Variants in ANO3 observed in about 807,000 individuals in gnomAD.
The protein encoded by ANO3 is anoctamin 3.
A neutral mutation model predicts 144.8 loss-of-function variants in ANO3; 99 were observed. The observed-to-expected ratio is 0.68, with a 90% CI of 0.58 to 0.81. The LOEUF is 0.81. ANO3 is among the 30% of genes least tolerant of loss of function. The pLI, the probability that ANO3 is intolerant of heterozygous loss-of-function variation, is 0.00. For synonymous variants in ANO3, 414 were observed against 392.6 expected (o/e 1.05, Z -0.64); for missense variants, 905 against 1,202.2 (o/e 0.75, Z 3.66).
At chr11:26,287,725 G>C (rs1853841560) in intron 1 of ANO3, among the ~76,000 whole-genome samples, 1 of 152,162 alleles carries the variant, frequency 6.6e-6, no homozygotes. Context: ...TAAATCCAGA[G>C]CCTTTGTTCT....
At chr11:26,412,365 C>T (rs1220867653) in intron 1 of ANO3, among the ~76,000 whole-genome samples, 1 of 151,710 alleles carries the variant, frequency 6.6e-6, no homozygotes. Flanking sequence ...TAATATTTGA[C>T]TAGACAAAAA....
intron 8 of ANO3, among the ~76,000 whole-genome samples, chr11:26,533,505 C>T (rs547977909): frequency 3.9e-5 from 6 of 152,034 alleles, no homozygotes; most frequent in South Asian, 4.2e-4. Flanking sequence ...GGTTGGAATG[C>T]GAGTACCGAG....
At chr11:26,479,592 G>A (rs920481075) in intron 4 of ANO3, among the ~76,000 whole-genome samples, 1 of 152,138 alleles carries the variant, frequency 6.6e-6, no homozygotes, top group African/African-American at 2.4e-5. Context: ...CACGAGAACA[G>A]CATGGGGGAA....
At chr11:26,253,379 AC>A (rs1263185239) in intron 1 of ANO3, among the ~76,000 whole-genome samples, 2 of 152,222 alleles carry the variant, frequency 1.3e-5, no homozygotes, top group East Asian at 3.9e-4. Flanking sequence ...ATAGAGAAAA[AC>A]AACACACACT....
chr11:26,435,327 C>T (rs188707982), intron 1 of ANO3, among the ~76,000 whole-genome samples: 2 of 152,222 alleles, frequency 1.3e-5, no homozygotes, highest in East Asian at 1.9e-4. Context: ...GGTGACCTGC[C>T]CTTTCTCCCT....
chr11:26,600,118 G>A (rs1253968979), intron 17 of ANO3, among the ~76,000 whole-genome samples: 5 of 152,118 alleles, frequency 3.3e-5, no homozygotes, highest in South Asian at 2.1e-4. Flanking sequence ...TTTTGAAAGC[G>A]AAGTATTGTT....
chr11:26,649,252 C>G (rs1309547652), intron 24 of ANO3, among the ~76,000 whole-genome samples: 1 of 152,112 alleles, frequency 6.6e-6, no homozygotes, highest in Non-Finnish European at 1.5e-5. Flanking sequence ...GTATTCTATT[C>G]ATGTACACAT....
intron 1 of ANO3, among the ~76,000 whole-genome samples, chr11:26,202,887 G>C (rs1321349550): frequency 6.6e-6 from 1 of 151,994 alleles, no homozygotes; most frequent in East Asian, 1.9e-4. Context: ...TTCAAAGCAG[G>C]GATCATTTCT....
intron 3 of ANO3, among the ~76,000 whole-genome samples, chr11:26,444,542 C>A (rs546356790): frequency 2.1e-4 from 32 of 152,328 alleles, no homozygotes; most frequent in Non-Finnish European, 3.5e-4. Flanking sequence ...GAGTTCTCAA[C>A]TCTGGTTACA....
chr11:26,511,006 G>A (rs537878398), intron 5 of ANO3, among the ~76,000 whole-genome samples: 1 of 152,284 alleles, frequency 6.6e-6, no homozygotes, highest in Admixed American at 6.5e-5. Context: ...AACAGAGAGG[G>A]TTCTCATCCA....
chr11:26,220,927 A>AT (rs71447456), intron 1 of ANO3, among the ~76,000 whole-genome samples: 45,813 of 151,868 alleles, frequency 0.3, 7,602 homozygotes, highest in Non-Finnish European at 0.37. Flanking sequence ...CTGCCTACAG[A>AT]TAAAGATGTG....
chr11:26,514,329 G>C (rs1861781485), intron 5 of ANO3, among the ~76,000 whole-genome samples: 1 of 152,062 alleles, frequency 6.6e-6, no homozygotes, highest in South Asian at 2.1e-4. Flanking sequence ...ATTTTGGGTA[G>C]TTTCTGATTT....
At chr11:26,522,515 G>T (rs146923861) in intron 6 of ANO3, among the ~76,000 whole-genome samples, 214 of 152,178 alleles carry the variant, frequency 1.4e-3, no homozygotes, top group African/African-American at 5.0e-3. Context: ...TTGACACAAG[G>T]TATAAAATAG....
intron 17 of ANO3, among the ~76,000 whole-genome samples, chr11:26,602,243 A>T (rs1357056808): frequency 6.6e-6 from 1 of 152,162 alleles, no homozygotes; most frequent in East Asian, 1.9e-4. Flanking sequence ...TATTAGAATA[A>T]AGAAAAATAA....
rs2132930240 is a variant in ANO3, at chr11:26,599,715, G to T, written c.1836+1G>T. ...CATAATCATTATGTTGCTGAATCTT[G>T]TAAGTGTCTATAATGTTATTCTTCA... is the stretch of plus-strand genomic sequence containing the variant. On this transcript the variant is annotated splice_donor_variant, in intron 17 of 26. Coordinates refer to ENST00000256737, the MANE Select transcript of ANO3 (RefSeq NM_031418.4). LOFTEE classifies it high-confidence loss of function. 1 of 1,613,194 alleles carries T rather than the reference G, an allele frequency of 6.2e-7. No individual in the cohort carries two copies. Among genetic ancestry groups the T allele is most frequent in the Non-Finnish European group, 8.5e-7 (1 of 1,179,460 alleles).
At chr11:26,192,146 A>G (rs1012312520) in intron 1 of ANO3, among the ~76,000 whole-genome samples, 1 of 152,212 alleles carries the variant, frequency 6.6e-6, no homozygotes, top group Non-Finnish European at 1.5e-5. Flanking sequence ...TTGCCGCCTG[A>G]TATCATCATT....
chr11:26,533,116 CAT>C (rs1181085596), intron 8 of ANO3, among the ~76,000 whole-genome samples: 9 of 152,184 alleles, frequency 5.9e-5, no homozygotes, highest in South Asian at 2.1e-4. Context: ...AAAATAGACA[CAT>C]GTGCATATTA....
intron 1 of ANO3, among the ~76,000 whole-genome samples, chr11:26,436,141 T>G (rs57857863): frequency 0.24 from 36,325 of 152,078 alleles, 5,037 homozygotes; most frequent in African/African-American, 0.38. Context: ...GGGATCTGCG[T>G]TGAGAACAGT....
intron 3 of ANO3, among the ~76,000 whole-genome samples, chr11:26,449,874 C>T (rs933481966): frequency 3.9e-5 from 6 of 151,978 alleles, no homozygotes; most frequent in Non-Finnish European, 8.8e-5. Context: ...CCTGCCTCAG[C>T]CTCCCGAGTA....
Sources: gnomAD v4.1 joint callset for allele counts (sites outside exome capture counted in the v4.1 genomes callset) on GRCh38, gnomAD v4.1.1 for gene constraint, MANE v1.5 for transcripts, NCBI Gene and HGNC (gene_info 2026-07-23, HGNC 2026-07-21) for gene names.